ENTPD1: variants seen among roughly 807,000 people sequenced by gnomAD.
ENTPD1 encodes ectonucleoside triphosphate diphosphohydrolase 1, also known as ATP diphosphohydrolase.
ENTPD1 carries 33 observed loss-of-function variants against 57.0 expected under a neutral mutation model. The observed-to-expected ratio is 0.58, with a 90% confidence interval of 0.44 to 0.77. ENTPD1 has a LOEUF of 0.77. ENTPD1 is among the 30% of genes least tolerant of loss of function. ENTPD1 has a pLI of 0.00. For synonymous variants in ENTPD1, 202 were observed against 218.8 expected (o/e 0.92, Z 0.68); for missense variants, 501 against 603.4 (o/e 0.83, Z 1.78).
rs2098480385 is a variant in ENTPD1 at position 95,871,488 on chromosome 10, T to C, written c.*5105T>C. On this transcript the variant is annotated 3_prime_UTR_variant, in exon 10 of 10. Coordinates refer to ENST00000371205, the MANE Select transcript of ENTPD1 (RefSeq NM_001776.6). Reference sequence around the variant, plus strand: ...CTTATTTTATACGTTTAGGACAATGTATAGCTAATTACCCAACTTTTTATT... The same window carrying C: ...CTTATTTTATACGTTTAGGACAATGCATAGCTAATTACCCAACTTTTTATT... The C allele has an allele frequency of 1.0e-6, 1 of 981,912 alleles. No individual in the cohort carries two copies. Among genetic ancestry groups the C allele is most frequent in the African/African-American group, 1.7e-5 (1 of 57,194 alleles). The allele number at this position is 981,912 out of a possible 1,614,324, so 60.8% of individuals were successfully genotyped here.
chr10:95,724,585 C>T (rs1013489622), intron 1 of ENTPD1, among the ~76,000 whole-genome samples: 18 of 152,162 alleles, frequency 1.2e-4, no homozygotes, highest in Non-Finnish European at 1.2e-4. Context: ...TCAACTAGGA[C>T]GAACCTGGGC....
rs183837383 is a variant in ENTPD1 at position 95,746,015 on chromosome 10, C to A, written c.37+34022C>A. ...CAGTCCCACAGCTGCTGGTTGAATA[C>A]ATAGAATCACTTAACTTTGGGAAAA... is the stretch of plus-strand genomic sequence containing the variant. On this transcript the variant is annotated intron_variant, in intron 1 of 9. Transcript: ENST00000453258. 4.4e-3 allele frequency among the ~76,000 whole-genome samples: 669 copies of A among 152,308 alleles called. 2 individuals are homozygous for A. The highest frequency in any genetic ancestry group is 0.02 in the Middle Eastern group (6 of 294).
At chr10:95,734,944 T>G (rs1004587550) in intron 1 of ENTPD1, among the ~76,000 whole-genome samples, 1 of 152,192 alleles carries the variant, frequency 6.6e-6, no homozygotes, top group African/African-American at 2.4e-5. Context: ...TGGAAGAAAT[T>G]ACAGTTGGGT....
In ENTPD1 at chr10:95,762,165, T is replaced by G. The variant is rs753794418; in HGVS notation, c.16+5910T>G. On this transcript the variant is annotated intron_variant, in intron 1 of 9. Coordinates refer to ENST00000371205, the MANE Select transcript of ENTPD1 (RefSeq NM_001776.6). ...ATGCCCTGTTACACAAAGAGGTGTT[T>G]CCTTCCATAACCACTGCTTGGTTTA... is the stretch of plus-strand genomic sequence containing the variant. Among the ~76,000 whole-genome samples the G allele has an allele frequency of 4.1e-4, 62 of 150,234 alleles. 1 individual carries two copies. Among genetic ancestry groups the G allele is most frequent in the Non-Finnish European group, 5.5e-4 (37 of 67,834 alleles).
intron 6 of ENTPD1, 31 bp downstream of exon 6, chr10:95,845,627 T>C (rs1215105711): frequency 1.1e-5 from 17 of 1,614,218 alleles, no homozygotes; most frequent in Non-Finnish European, 1.4e-5. Context: ...ACCTGCCCCC[T>C]TCACATCTGC....
At chr10:95,744,767 A>G (rs2098004275) in intron 1 of ENTPD1, among the ~76,000 whole-genome samples, 1 of 152,202 alleles carries the variant, frequency 6.6e-6, no homozygotes, top group Non-Finnish European at 1.5e-5. Context: ...ATAATTTTTG[A>G]AAACTTTGTA....
At chr10:95,775,317 A>T (rs2098129896) in intron 1 of ENTPD1, among the ~76,000 whole-genome samples, 1 of 152,086 alleles carries the variant, frequency 6.6e-6, no homozygotes. Flanking sequence ...AATACCCTTT[A>T]TTTCTTTCTC....
chr10:95,848,772 T>C (rs985286290), intron 7 of ENTPD1, among the ~76,000 whole-genome samples: 3 of 152,236 alleles, frequency 2.0e-5, no homozygotes, highest in African/African-American at 7.2e-5. Context: ...GTGAAATATA[T>C]ACTCTAAACC....
intron 2 of ENTPD1, among the ~76,000 whole-genome samples, chr10:95,834,823 A>G (rs1334907229): frequency 6.6e-6 from 1 of 151,936 alleles, no homozygotes; most frequent in Non-Finnish European, 1.5e-5. Context: ...CTCTTTCTGG[A>G]CCAGCACTTC....
rs756768198 is a variant in ENTPD1 at position 95,844,523 on chromosome 10, G to A, written c.461G>A (p.Arg154Lys). ...GACAGGGTTCTGGATGTGGTGGAGA[G>A]GAGCCTCAGCAACTACCCCTTTGAC... ...LADRVLDVVERSLSNYPFDFQ... is the reference protein window; with the variant it reads ...LADRVLDVVEKSLSNYPFDFQ... The change falls in exon 5 of 10, where the codon AGG becomes AAG. Residue 154 changes from arginine (R) to lysine (K), a missense_variant. Physicochemically the swap from Arg to Lys is conservative, Grantham distance 26. Transcript: ENST00000371205. 6.2e-7 allele frequency: 1 copy of A among 1,614,232 alleles called. No homozygotes were observed. Among genetic ancestry groups the A allele is most frequent in the Non-Finnish European group, 8.5e-7 (1 of 1,180,036 alleles).
In ENTPD1 at chr10:95,823,247, GAAGACATT is replaced by G; in HGVS notation, c.28_35del (p.Lys10LeufsTer36). On this transcript the variant is annotated frameshift_variant, in exon 2 of 10. Coordinates refer to ENST00000371205, the MANE Select transcript of ENTPD1 (RefSeq NM_001776.6). LOFTEE classifies it high-confidence loss of function. ...TGCTTTTGGTTTTAGAGTCTAACGT[GAAGACATT>G]TTGCTCCAAGAATATCCTAGCCATC... The G allele has an allele frequency of 1.9e-6, 3 of 1,614,072 alleles. No homozygotes were observed. Among genetic ancestry groups the G allele is most frequent in the Non-Finnish European group, 2.5e-6 (3 of 1,179,976 alleles).
At chr10:95,797,807 C>T (rs950384535) in intron 1 of ENTPD1, among the ~76,000 whole-genome samples, 1 of 152,194 alleles carries the variant, frequency 6.6e-6, no homozygotes, top group Non-Finnish European at 1.5e-5. Context: ...ACTAGGCCCA[C>T]CTTCAACATT....
At chr10:95,745,817 A>G (rs1208506053) in intron 1 of ENTPD1, among the ~76,000 whole-genome samples, 1 of 152,118 alleles carries the variant, frequency 6.6e-6, no homozygotes, top group Non-Finnish European at 1.5e-5. Flanking sequence ...CTCTAGGCTT[A>G]CCTTCTCCTG....
intron 7 of ENTPD1, among the ~76,000 whole-genome samples, chr10:95,856,082 C>A (rs1021714746): frequency 6.6e-6 from 1 of 152,188 alleles, no homozygotes; most frequent in Admixed American, 6.5e-5. Flanking sequence ...ACCAATCAGA[C>A]GTAGATTTGG....
At chr10:95,861,354 G>C (rs2098465008) in intron 8 of ENTPD1, 1 of 152,278 alleles carries the variant, frequency 6.6e-6, no homozygotes, top group Non-Finnish European at 1.5e-5. Context: ...AAAATCCAGG[G>C]ATGAGAGGTA....
At chr10:95,826,161 T>C (rs889769063) in intron 2 of ENTPD1, among the ~76,000 whole-genome samples, 2 of 152,154 alleles carry the variant, frequency 1.3e-5, no homozygotes, top group African/African-American at 4.8e-5. Context: ...ATTGTAATTA[T>C]GATAAATTGC....
At chr10:95,733,171 T>C (rs2097991139) in intron 1 of ENTPD1, among the ~76,000 whole-genome samples, 1 of 152,174 alleles carries the variant, frequency 6.6e-6, no homozygotes, top group Non-Finnish European at 1.5e-5. Context: ...GAATGCATTC[T>C]CTTTCTCAGG....
chr10:95,847,360 A>G, intron 6 of ENTPD1, 86 bp from the exon 7 acceptor site: 1 of 1,501,586 alleles, frequency 6.7e-7, no homozygotes, highest in South Asian at 1.1e-5. Flanking sequence ...GATGTTGTAC[A>G]GTGCCTACAT....
Position 95,869,331 on chromosome 10 carries a change from C to T in ENTPD1, c.*2948C>T. 1 of 870,442 alleles carries T rather than the reference C, an allele frequency of 1.1e-6. No homozygotes were observed. Among genetic ancestry groups the T allele is most frequent in the Non-Finnish European group, 1.4e-6 (1 of 727,562 alleles). The allele number at this position is 870,442 out of a possible 1,614,324, so 53.9% of individuals were successfully genotyped here. A position where few individuals can be genotyped will look rare whatever the true frequency, so the allele number is the denominator to read the frequency against. On this transcript the variant is annotated 3_prime_UTR_variant, in exon 10 of 10. Coordinates refer to ENST00000371205, the MANE Select transcript of ENTPD1 (RefSeq NM_001776.6). ...GTGGTGCTATCTCGGCTCACTGCAA[C>T]CTCCGCCTCCTGGGTTCAAGCAATT...
Sources: gnomAD v4.1 joint callset for allele counts (sites outside exome capture counted in the v4.1 genomes callset) on GRCh38, gnomAD v4.1.1 for gene constraint, MANE v1.5 for transcripts, NCBI Gene and HGNC (gene_info 2026-07-23, HGNC 2026-07-21) for gene names.